The following PPP1R3B variants were observed in gnomAD, a reference collection of about 807,000 sequenced individuals.
PPP1R3B encodes PP1 subunit R4.
Under a neutral mutation model 14.6 loss-of-function variants are expected in PPP1R3B, and 8 were observed. The ratio of observed to expected loss-of-function variants is 0.55; its 90% CI spans 0.32 to 0.99. The LOEUF is 0.99. Ranked by LOEUF, PPP1R3B falls within the 50% of genes least tolerant of loss-of-function variation. The probability of loss-of-function intolerance (pLI) is 0.04; values close to 1 mark genes in which losing one functional copy is unlikely to be tolerated. For synonymous variants in PPP1R3B, 169 were observed against 142.0 expected (o/e 1.19, Z -1.35); for missense variants, 452 against 360.1 (o/e 1.26, Z -2.07).
chr8:9,144,091 C>T (rs1463470292), intron 1 of PPP1R3B, among the ~76,000 whole-genome samples: 1 of 151,424 alleles, frequency 6.6e-6, no homozygotes, highest in Non-Finnish European at 1.5e-5. Context: ...AAATGTTCAA[C>T]CTTATTATTA....
At chr8:9,143,864 ATT>A (rs1801159779) in intron 1 of PPP1R3B, among the ~76,000 whole-genome samples, 1 of 152,164 alleles carries the variant, frequency 6.6e-6, no homozygotes, top group African/African-American at 2.4e-5. Context: ...CAAAAACTAT[ATT>A]TTCTTTAAGT....
chr8:9,139,381 G>A lies in PPP1R3B; in HGVS notation c.*1413C>T, dbSNP rs961506473. On this transcript the variant is annotated 3_prime_UTR_variant, in exon 2 of 2. Coordinates refer to ENST00000310455, the MANE Select transcript of PPP1R3B (RefSeq NM_024607.4). The stretch of plus-strand genomic sequence containing the variant: ...CTCTTTACATACACACCATAAATAA[G>A]AACACCCAAGTCCATGTCCCTGGGT... The A allele has an allele frequency of 3.9e-5, 6 of 152,118 alleles. No homozygotes were observed. The highest frequency in any genetic ancestry group is 1.4e-4 in the African/African-American group (6 of 41,424). The allele number at this position is 152,118 out of a possible 1,614,324, so 9.4% of individuals were successfully genotyped here.
rs1170929579 is a variant in PPP1R3B at position 9,138,809 on chromosome 8, C to T, written c.*1985G>A. Reference sequence around the variant, plus strand: ...CAAACAAAAATAGAAAATAAAAAACCAACTTCCTACAAGTATACTTGTAAA... The same window carrying T: ...CAAACAAAAATAGAAAATAAAAAACTAACTTCCTACAAGTATACTTGTAAA... On this transcript the variant is annotated 3_prime_UTR_variant, in exon 2 of 2. Transcript: ENST00000310455. 2.0e-5 allele frequency: 3 copies of T among 152,136 alleles called. No homozygotes were observed. Among genetic ancestry groups the T allele is most frequent in the African/African-American group, 7.2e-5 (3 of 41,432 alleles). 9.4% of individuals were successfully genotyped at this position (152,136 alleles called of 1,614,324 possible). A position where few individuals can be genotyped will look rare whatever the true frequency, so the allele number is the denominator to read the frequency against.
In PPP1R3B at chr8:9,137,060, C is replaced by T. The variant is rs1039065514; in HGVS notation, c.*3734G>A. The stretch of plus-strand genomic sequence containing the variant: ...TTCTAAGAATGTATAATTTTGCCAC[C>T]ATTAAAATGAAATCTTAAAGGTAAA... On this transcript the variant is annotated 3_prime_UTR_variant, in exon 2 of 2. Coordinates refer to ENST00000310455, the MANE Select transcript of PPP1R3B (RefSeq NM_024607.4). 6.6e-6 allele frequency: 1 copy of T among 152,120 alleles called. No homozygotes were observed. Among genetic ancestry groups the T allele is most frequent in the Non-Finnish European group, 1.5e-5 (1 of 68,022 alleles). The allele number at this position is 152,120 out of a possible 1,614,324, so 9.4% of individuals were successfully genotyped here.
chr8:9,144,395 T>C (rs1170248785), intron 1 of PPP1R3B, among the ~76,000 whole-genome samples: 1 of 152,026 alleles, frequency 6.6e-6, no homozygotes, highest in Non-Finnish European at 1.5e-5. Context: ...GGTCTCACTA[T>C]GTTGCTCAGA....
intron 1 of PPP1R3B, among the ~76,000 whole-genome samples, chr8:9,142,123 G>C (rs1257342096): frequency 6.6e-6 from 1 of 152,152 alleles, no homozygotes; most frequent in Non-Finnish European, 1.5e-5. Context: ...TTAGAGATAG[G>C]GTGTTGCTCT....
chr8:9,150,603 C>G lies in PPP1R3B; in HGVS notation c.-58G>C, dbSNP rs1424525493. 1 of 152,618 alleles carries G rather than the reference C, an allele frequency of 6.6e-6. No individual in the cohort carries two copies. Among genetic ancestry groups the G allele is most frequent in the Non-Finnish European group, 1.5e-5 (1 of 68,342 alleles). 9.5% of individuals were successfully genotyped at this position (152,618 alleles called of 1,614,324 possible). On this transcript the variant is annotated 5_prime_UTR_variant, in exon 1 of 2. Transcript: ENST00000310455. Reference sequence around the variant, plus strand: ...GAAGCCCCCTCCCCAGCTCGCTCGCCGCATCGGAGAGCCCGCAGGGTTGTG... The same window carrying G: ...GAAGCCCCCTCCCCAGCTCGCTCGCGGCATCGGAGAGCCCGCAGGGTTGTG...
rs191478903 is a variant in PPP1R3B, at chr8:9,140,458, G to C, written c.*336C>G. 1.9e-4 allele frequency: 59 copies of C among 309,370 alleles called. 3 individuals are homozygous for C. Among genetic ancestry groups the C allele is most frequent in the African/African-American group, 1.2e-3 (53 of 43,966 alleles). 19.2% of individuals were successfully genotyped at this position (309,370 alleles called of 1,614,324 possible). A position where few individuals can be genotyped will look rare whatever the true frequency, so the allele number is the denominator to read the frequency against. ...GACTGATGTCCCACATCTGAGTGGA[G>C]AGCAGAGGAGAGACTCCTCCAGCTT... On this transcript the variant is annotated 3_prime_UTR_variant, in exon 2 of 2. Transcript: ENST00000310455.
intron 1 of PPP1R3B, among the ~76,000 whole-genome samples, chr8:9,143,264 T>A (rs765543711): frequency 6.6e-6 from 1 of 152,186 alleles, no homozygotes; most frequent in Non-Finnish European, 1.5e-5. Context: ...TAAAAAGAAA[T>A]GGATTCATCC....
chr8:9,149,417 G>A (rs1563129727), intron 1 of PPP1R3B, among the ~76,000 whole-genome samples: 1 of 151,794 alleles, frequency 6.6e-6, no homozygotes, highest in Non-Finnish European at 1.5e-5. Context: ...GCAGGAGAAT[G>A]GCGTGAACCC....
rs767990147 is a variant in PPP1R3B at position 9,140,905 on chromosome 8, TC to T, written c.746del (p.Gly249AspfsTer28). 1.4e-5 allele frequency: 22 copies of T among 1,614,094 alleles called. No homozygotes were observed. The highest frequency in any genetic ancestry group is 1.7e-5 in the Non-Finnish European group (20 of 1,180,042). ...GGTCAAAGGATATTCCCAAATCCGG[TC>T]CACTGTGGGGCTTGGTCATTCCCTG... ...STQGMTKPHS[G>X]PDLGISFDQF... On this transcript the variant is annotated frameshift_variant, in exon 2 of 2. Transcript: ENST00000310455. LOFTEE classifies it high-confidence loss of function.
chr8:9,147,502 G>A (rs1032892367), intron 1 of PPP1R3B, among the ~76,000 whole-genome samples: 2 of 151,944 alleles, frequency 1.3e-5, no homozygotes, highest in African/African-American at 4.8e-5. Context: ...AGCCTCCTAC[G>A]TGCTTTTTCT....
chr8:9,139,741 G>A lies in PPP1R3B; in HGVS notation c.*1053C>T, dbSNP rs1425977312. 6.6e-6 allele frequency: 1 copy of A among 152,092 alleles called. No homozygotes were observed. The highest frequency in any genetic ancestry group is 1.9e-4 in the East Asian group (1 of 5,182). The allele number at this position is 152,092 out of a possible 1,614,324, so 9.4% of individuals were successfully genotyped here. On this transcript the variant is annotated 3_prime_UTR_variant, in exon 2 of 2. Transcript: ENST00000310455. ...TTTTTTTGTATTTTTAGTAGAGACA[G>A]GGTTTCACCGTGTTAGCCAGGATGG... is the stretch of plus-strand genomic sequence containing the variant.
chr8:9,149,696 T>C (rs1047570464), intron 1 of PPP1R3B, among the ~76,000 whole-genome samples: 2 of 152,244 alleles, frequency 1.3e-5, no homozygotes, highest in Non-Finnish European at 2.9e-5. Context: ...TGATCCAGCA[T>C]GAAGAGAGTG....
At position 9,139,605 on chromosome 8, in the gene PPP1R3B, G is replaced by C. The variant is rs978319543; in HGVS notation, c.*1189C>G. 6.6e-6 allele frequency: 1 copy of C among 152,198 alleles called. No individual in the cohort carries two copies. The highest frequency in any genetic ancestry group is 2.4e-5 in the African/African-American group (1 of 41,450). The allele number at this position is 152,198 out of a possible 1,614,324, so 9.4% of individuals were successfully genotyped here. A position where few individuals can be genotyped will look rare whatever the true frequency, so the allele number is the denominator to read the frequency against. On this transcript the variant is annotated 3_prime_UTR_variant, in exon 2 of 2. Transcript: ENST00000310455. ...GCTCTGCTGCCCAGGCGGGAATGCA[G>C]TGGTGTGATCTCGGTTCACTGTAAG...
intron 1 of PPP1R3B, among the ~76,000 whole-genome samples, chr8:9,142,073 C>T (rs1367252485): frequency 6.6e-6 from 1 of 152,198 alleles, no homozygotes; most frequent in Admixed American, 6.5e-5. Context: ...GTGTCTTCCA[C>T]AGATAGCTGT....
intron 1 of PPP1R3B, among the ~76,000 whole-genome samples, chr8:9,144,584 C>A (rs370027044): frequency 5.9e-5 from 9 of 152,134 alleles, no homozygotes; most frequent in Non-Finnish European, 1.3e-4. Flanking sequence ...GACATTTATC[C>A]TAGGTAAAGA....
intron 1 of PPP1R3B, chr8:9,145,122 ATATATT>A (rs1402735633): frequency 6.6e-6 from 1 of 151,998 alleles, no homozygotes; most frequent in Non-Finnish European, 1.5e-5. Context: ...AAAAAATATT[ATATATT>A]TATATTTATG....
chr8:9,146,518 C>A (rs752802302), intron 1 of PPP1R3B, among the ~76,000 whole-genome samples: 2 of 152,134 alleles, frequency 1.3e-5, no homozygotes, highest in African/African-American at 2.4e-5. Flanking sequence ...GGTGAACGGA[C>A]GAACACATAT....
Sources: gnomAD v4.1 joint callset for allele counts (sites outside exome capture counted in the v4.1 genomes callset) on GRCh38, gnomAD v4.1.1 for gene constraint, MANE v1.5 for transcripts, NCBI Gene and HGNC (gene_info 2026-07-23, HGNC 2026-07-21) for gene names.